LNPEP: variants seen among roughly 807,000 people sequenced by gnomAD.
LNPEP encodes leucyl and cystinyl aminopeptidase.
A neutral mutation model predicts 120.6 loss-of-function variants in LNPEP; 64 were observed. That is an observed-to-expected ratio of 0.53 (90% confidence interval 0.43 to 0.65). The LOEUF (loss-of-function observed/expected upper bound fraction) is 0.65. LNPEP is among the 30% of genes least tolerant of loss of function. The pLI is 0.00. For missense variants in LNPEP, 1,057 were observed against 1,200.0 expected, an observed-to-expected ratio of 0.88 and a Z score of 1.76; for synonymous variants, 435 against 425.4, an observed-to-expected ratio of 1.02 and a Z score of -0.28.
At chr5:96,966,508 TTGTG>T (rs375861296) in intron 1 of LNPEP, among the ~76,000 whole-genome samples, 4,173 of 133,098 alleles carry the variant, frequency 0.031, 64 homozygotes, top group Middle Eastern at 0.055. Flanking sequence ...TTACATATAT[TTGTG>T]TGTGTGTGTG....
At chr5:96,949,458 C>T (rs1789273496) in intron 1 of LNPEP, among the ~76,000 whole-genome samples, 1 of 152,148 alleles carries the variant, frequency 6.6e-6, no homozygotes, top group African/African-American at 2.4e-5. Context: ...ATCCCAAAAC[C>T]ATCATCCCTT....
At chr5:97,008,143 A>T (rs137998889) in intron 11 of LNPEP, among the ~76,000 whole-genome samples, 174 of 152,062 alleles carry the variant, frequency 1.1e-3, no homozygotes, top group African/African-American at 3.9e-3. Flanking sequence ...AGAACAAATA[A>T]CCCCATCTCC....
Position 97,026,684 on chromosome 5 carries a change from G to C in LNPEP, c.2791G>C (p.Val931Leu), listed in dbSNP as rs1173957257. ...TQKLSFIIRTVGRHFPGHLLA... is the reference protein window; with the variant it reads ...TQKLSFIIRTLGRHFPGHLLA... ...GAAGCTGTCTTTTATCATTAGAACAGTGGGTCGACATTTTCCTGGACACTT... is the reference window on the plus strand; with the variant it reads ...GAAGCTGTCTTTTATCATTAGAACACTGGGTCGACATTTTCCTGGACACTT... The change falls in exon 16 of 18, where the codon GTG becomes CTG. Residue 931 changes from valine to leucine, a missense_variant. Physicochemically the swap from Val to Leu is conservative, Grantham distance 32. Transcript: ENST00000231368. 1 of 1,613,068 alleles carries C rather than the reference G, an allele frequency of 6.2e-7. No homozygotes were observed. The highest frequency in any genetic ancestry group is 1.7e-5 in the Admixed American group (1 of 60,030).
intron 2 of LNPEP, among the ~76,000 whole-genome samples, chr5:96,983,305 C>G (rs572046748): frequency 3.5e-4 from 44 of 125,798 alleles, no homozygotes; most frequent in Admixed American, 3.3e-3. Context: ...ATATGCACAC[C>G]AGGGCCATAT....
chr5:96,936,218 C>T (rs777757244), intron 1 of LNPEP, 44 bp downstream of exon 1: 48 of 1,397,278 alleles, frequency 3.4e-5, no homozygotes, highest in Non-Finnish European at 4.5e-5. Flanking sequence ...TCTCCGGAGC[C>T]CTGAGGGTCG....
intron 1 of LNPEP, among the ~76,000 whole-genome samples, chr5:96,967,019 G>A (rs904060732): frequency 6.6e-6 from 1 of 152,104 alleles, no homozygotes; most frequent in East Asian, 1.9e-4. Flanking sequence ...GCCTCTTGAC[G>A]TCTTTTAGGG....
At chr5:96,961,098 G>A (rs1041174309) in intron 1 of LNPEP, among the ~76,000 whole-genome samples, 17 of 152,100 alleles carry the variant, frequency 1.1e-4, no homozygotes, top group Non-Finnish European at 2.2e-4. Flanking sequence ...CTAGAATAAA[G>A]TAATAACTTG....
chr5:96,961,914 G>A (rs1789617668), intron 1 of LNPEP, among the ~76,000 whole-genome samples: 1 of 152,144 alleles, frequency 6.6e-6, no homozygotes, highest in East Asian at 1.9e-4. Context: ...AGAAAGGGGA[G>A]AGGGGAAAGC....
chr5:97,023,297 A>G (rs1389175320), intron 14 of LNPEP, among the ~76,000 whole-genome samples: 2 of 152,122 alleles, frequency 1.3e-5, no homozygotes, highest in African/African-American at 4.8e-5. Context: ...TCTGTCACCC[A>G]GGCTGGAGTG....
At chr5:96,954,351 A>G (rs72775862) in intron 1 of LNPEP, among the ~76,000 whole-genome samples, 1,672 of 152,182 alleles carry the variant, frequency 0.011, 21 homozygotes, top group South Asian at 0.048. Flanking sequence ...ACTTACTGAC[A>G]TTATAGAAAT....
intron 4 of LNPEP, among the ~76,000 whole-genome samples, chr5:96,987,155 C>G (rs916600550): frequency 2.0e-5 from 3 of 152,070 alleles, no homozygotes; most frequent in African/African-American, 7.2e-5. Context: ...GATTCCTCTT[C>G]CTAATGAATA....
intron 2 of LNPEP, 34 bp downstream of exon 2, chr5:96,980,012 G>T: frequency 1.3e-6 from 2 of 1,539,956 alleles, no homozygotes; most frequent in Non-Finnish European, 1.7e-6. Context: ...CTGGTTTTAC[G>T]CTCTGATAAC....
In LNPEP at chr5:96,993,212, G is replaced by T. The variant is rs994157320; in HGVS notation, c.1252+77G>T. 6.3e-6 allele frequency: 7 copies of T among 1,111,428 alleles called. 1 individual carries two copies. The Admixed American group carries it at 1.1e-4, about 17-fold the overall frequency. The allele number at this position is 1,111,428 out of a possible 1,614,324, so 68.8% of individuals were successfully genotyped here. A position where few individuals can be genotyped will look rare whatever the true frequency, so the allele number is the denominator to read the frequency against. ...ATTTTGTGAATTTTTTTAGAAAGAG[G>T]TTCTGCCCAAGTTGTTTGCAGAGAA... On this transcript the variant is annotated intron_variant, in intron 5 of 17. Coordinates refer to ENST00000231368, the MANE Select transcript of LNPEP (RefSeq NM_005575.3).
chr5:96,966,508 TTGTGTGTGTGTGTGTGTGTG>T (rs375861296), intron 1 of LNPEP, among the ~76,000 whole-genome samples: 18 of 133,368 alleles, frequency 1.3e-4, no homozygotes, highest in African/African-American at 4.5e-4. Context: ...TTACATATAT[TTGTGTGTGTGTGTGTGTGTG>T]TGTGTGTGTG....
At position 97,027,715 on chromosome 5, in the gene LNPEP, G is replaced by C. The variant is rs775912251; in HGVS notation, c.2865-18G>C. The C allele has an allele frequency of 6.6e-6, 10 of 1,526,032 alleles. No homozygotes were observed. Among genetic ancestry groups the C allele is most frequent in the Non-Finnish European group, 8.2e-6 (9 of 1,101,624 alleles). 94.5% of individuals were successfully genotyped at this position (1,526,032 alleles called of 1,614,324 possible). ...GCAGCTGCCTAATCTTTTTGCTCTTGTTTTTGTGTTTCTTCAGGTTCCCTC... is the reference window on the plus strand; with the variant it reads ...GCAGCTGCCTAATCTTTTTGCTCTTCTTTTTGTGTTTCTTCAGGTTCCCTC... On this transcript the variant is annotated intron_variant, in intron 16 of 17. Transcript: ENST00000231368.
intron 1 of LNPEP, among the ~76,000 whole-genome samples, chr5:96,961,527 A>G (rs1296149881): frequency 6.6e-6 from 1 of 152,184 alleles, no homozygotes; most frequent in African/African-American, 2.4e-5. Context: ...AAATAGCAAT[A>G]GCTATTTTTT....
At chr5:96,996,915 G>A (rs1302744781) in intron 7 of LNPEP, among the ~76,000 whole-genome samples, 6 of 152,064 alleles carry the variant, frequency 3.9e-5, no homozygotes, top group Non-Finnish European at 5.9e-5. Flanking sequence ...ACATTTTATA[G>A]CAATACTGTT....
At chr5:96,964,987 G>A (rs866405422) in intron 1 of LNPEP, among the ~76,000 whole-genome samples, 34 of 152,104 alleles carry the variant, frequency 2.2e-4, no homozygotes, top group African/African-American at 6.0e-4. Context: ...TAGAATTGAT[G>A]TGACATTTTG....
intron 1 of LNPEP, among the ~76,000 whole-genome samples, chr5:96,947,115 A>G (rs1020256274): frequency 2.0e-5 from 3 of 152,222 alleles, no homozygotes; most frequent in Non-Finnish European, 2.9e-5. Context: ...ATTTGCAGCT[A>G]TGCAGATTTG....
Sources: gnomAD v4.1 joint callset for allele counts (sites outside exome capture counted in the v4.1 genomes callset) on GRCh38, gnomAD v4.1.1 for gene constraint, MANE v1.5 for transcripts, NCBI Gene and HGNC (gene_info 2026-07-23, HGNC 2026-07-21) for gene names.